Variants in TNFRSF11A observed in about 807,000 individuals in gnomAD.
TNFRSF11A encodes the protein tumor necrosis factor receptor superfamily member 11A.
In TNFRSF11A, 32 loss-of-function variants were observed where a neutral mutation model predicts 55.7. The observed-to-expected ratio is 0.57, with a 90% confidence interval of 0.43 to 0.77. The LOEUF (loss-of-function observed/expected upper bound fraction) is 0.77, where lower values mean the gene tolerates loss of function less well. Among genes scored for constraint, TNFRSF11A ranks in the 30% least tolerant of loss-of-function variants. TNFRSF11A has a pLI of 0.00. For missense variants in TNFRSF11A, 753 were observed against 809.8 expected, an observed-to-expected ratio of 0.93 and a Z score of 0.85; for synonymous variants, 311 against 331.0, an observed-to-expected ratio of 0.94 and a Z score of 0.65.
intron 5 of TNFRSF11A, among the ~76,000 whole-genome samples, chr18:62,359,714 T>C (rs1909528991): frequency 6.6e-6 from 1 of 152,190 alleles, no homozygotes; most frequent in East Asian, 1.9e-4. Context: ...GCTCTGCTCC[T>C]TTGCTGACCG....
chr18:62,369,920 T>C (rs573573688), intron 9 of TNFRSF11A, among the ~76,000 whole-genome samples: 1 of 152,232 alleles, frequency 6.6e-6, no homozygotes, highest in Non-Finnish European at 1.5e-5. Context: ...AAAGCACTTA[T>C]AAGTTTTAGG....
chr18:62,353,631 A>C (rs988148431), intron 3 of TNFRSF11A, among the ~76,000 whole-genome samples: 1 of 152,226 alleles, frequency 6.6e-6, no homozygotes, highest in Admixed American at 6.5e-5. Flanking sequence ...ATTCACAAAT[A>C]TGAATCTGCA....
At chr18:62,379,223 G>C (rs1911100948) in intron 9 of TNFRSF11A, among the ~76,000 whole-genome samples, 1 of 152,170 alleles carries the variant, frequency 6.6e-6, no homozygotes, top group Non-Finnish European at 1.5e-5. Flanking sequence ...TATTATTGTA[G>C]TAGGTACTCA....
Position 62,368,726 on chromosome 18 carries a change from G to A in TNFRSF11A, c.809G>A (p.Ser270Asn). Residue 270 changes from serine to asparagine, a missense_variant, in exon 9 of 10, where the codon AGT (serine) becomes AAT (asparagine). Physicochemically the swap from Ser to Asn is conservative, Grantham distance 46. Coordinates refer to ENST00000586569, the MANE Select transcript of TNFRSF11A (RefSeq NM_003839.4). ...GAGTCCTCAGGTGACAGTTGTGTCA[G>A]TACACACACGGCAAACTTTGGTCAG... ...DKESSGDSCV[S>N]THTANFGQQG... 2 of 1,614,230 alleles carry A rather than the reference G, an allele frequency of 1.2e-6. No homozygotes were observed. Among genetic ancestry groups the A allele is most frequent in the Non-Finnish European group, 1.7e-6 (2 of 1,180,046 alleles).
At chr18:62,377,128 G>T (rs1399465631) in intron 9 of TNFRSF11A, among the ~76,000 whole-genome samples, 1 of 152,158 alleles carries the variant, frequency 6.6e-6, no homozygotes, top group Admixed American at 6.5e-5. Context: ...TGTTAGCCAA[G>T]ATGGTCTCCA....
Position 62,387,409 on chromosome 18 carries a change from T to C in TNFRSF11A, c.*2375T>C, listed in dbSNP as rs1477748463. 1 of 152,218 alleles carries C rather than the reference T, an allele frequency of 6.6e-6. No individual in the cohort carries two copies. Among genetic ancestry groups the C allele is most frequent in the Non-Finnish European group, 1.5e-5 (1 of 68,036 alleles). The allele number at this position is 152,218 out of a possible 1,614,324, so 9.4% of individuals were successfully genotyped here. ...AAAGAGATTATATTAAGCTTATGTT[T>C]CACCATAAAATCCTTTTTATGGCTT... On this transcript the variant is annotated 3_prime_UTR_variant, in exon 10 of 10. Coordinates refer to ENST00000586569, the MANE Select transcript of TNFRSF11A (RefSeq NM_003839.4).
intron 9 of TNFRSF11A, 125 bp from the exon 10 acceptor site, chr18:62,384,626 C>T (rs1192386211): frequency 7.9e-6 from 9 of 1,138,534 alleles, no homozygotes; most frequent in Non-Finnish European, 1.1e-5. Flanking sequence ...CAGTGTGGTT[C>T]CCTGTGGCCC....
intron 1 of TNFRSF11A, among the ~76,000 whole-genome samples, chr18:62,345,410 G>A (rs2046368642): frequency 6.6e-6 from 1 of 152,198 alleles, no homozygotes; most frequent in Admixed American, 6.5e-5. Context: ...TTGCCATGTT[G>A]AAGGTTTGAA....
chr18:62,357,678 G>C (rs1035342189), intron 4 of TNFRSF11A, among the ~76,000 whole-genome samples: 4 of 152,070 alleles, frequency 2.6e-5, no homozygotes, highest in African/African-American at 4.8e-5. Flanking sequence ...AGACCTGTAG[G>C]GTTCTTCCTC....
intron 4 of TNFRSF11A, among the ~76,000 whole-genome samples, chr18:62,355,355 G>A (rs897020345): frequency 2.6e-5 from 4 of 151,856 alleles, no homozygotes; most frequent in Admixed American, 6.6e-5. Context: ...TCGGCTCACC[G>A]CAACCTCTGC....
Position 62,325,422 on chromosome 18 carries a change from C to A in TNFRSF11A, c.70C>A (p.Leu24Met). Residue 24 changes from leucine to methionine, a missense_variant, in exon 1 of 10, where the codon CTG becomes ATG. By Grantham distance (15) the Leu-to-Met change is conservative. This residue lies in a region of TNFRSF11A where 156 missense variants were observed against 155.1 expected (regional missense o/e 1.01). Coordinates refer to ENST00000586569, the MANE Select transcript of TNFRSF11A (RefSeq NM_003839.4). This position sits in a 1 kb window ranked among gnomAD's most constrained non-coding sequence, Gnocchi z 4.7. Reference protein sequence around the residue: ...LLLLCALLARLQVALQIAPPC... With the variant: ...LLLLCALLARMQVALQIAPPC... ...GCTGCTCTGCGCGCTGCTCGCCCGG[C>A]TGCAGGTAAGGAGCGCCCGCGCCTG... 1 of 1,261,854 alleles carries A rather than the reference C, an allele frequency of 7.9e-7. No individual in the cohort carries two copies. The highest frequency in any genetic ancestry group is 1.0e-6 in the Non-Finnish European group (1 of 991,114). The allele number at this position is 1,261,854 out of a possible 1,614,324, so 78.2% of individuals were successfully genotyped here. A position where few individuals can be genotyped will look rare whatever the true frequency, so the allele number is the denominator to read the frequency against.
At chr18:62,375,263 G>A (rs756536448) in intron 9 of TNFRSF11A, among the ~76,000 whole-genome samples, 5 of 151,826 alleles carry the variant, frequency 3.3e-5, no homozygotes, top group East Asian at 1.9e-4. Flanking sequence ...CTGTGTTCAC[G>A]CCACTGCACT....
intron 4 of TNFRSF11A, 70 bp downstream of exon 4, chr18:62,354,604 A>T: frequency 6.3e-7 from 1 of 1,593,136 alleles, no homozygotes; most frequent in Non-Finnish European, 8.5e-7. Context: ...GACAGTCTTG[A>T]TAATAGCAGC....
At chr18:62,326,674 C>T (rs2046080533) in intron 1 of TNFRSF11A, among the ~76,000 whole-genome samples, 1 of 152,166 alleles carries the variant, frequency 6.6e-6, no homozygotes, top group Non-Finnish European at 1.5e-5. Flanking sequence ...AAAAGGCGTT[C>T]GGTTCTAATA....
At chr18:62,334,557 G>A (rs954054708) in intron 1 of TNFRSF11A, among the ~76,000 whole-genome samples, 11 of 152,156 alleles carry the variant, frequency 7.2e-5, no homozygotes, top group African/African-American at 2.2e-4. Flanking sequence ...ATAAGCTTTC[G>A]GAAGTAGGTA....
At chr18:62,345,283 G>C (rs1280770842) in intron 1 of TNFRSF11A, among the ~76,000 whole-genome samples, 1 of 152,178 alleles carries the variant, frequency 6.6e-6, no homozygotes, top group Non-Finnish European at 1.5e-5. Context: ...ATAAAGGCAT[G>C]CTTTGTCTTT....
At chr18:62,358,871 G>A (rs1161436944) in intron 5 of TNFRSF11A, among the ~76,000 whole-genome samples, 2 of 152,150 alleles carry the variant, frequency 1.3e-5, no homozygotes, top group African/African-American at 4.8e-5. Flanking sequence ...GAGATGTACT[G>A]TAAGTTATGT....
chr18:62,367,818 G>T (rs1910210416), intron 8 of TNFRSF11A, among the ~76,000 whole-genome samples: 1 of 96,736 alleles, frequency 1.0e-5, no homozygotes. Context: ...TTTTGAGACA[G>T]AATCTCACTC....
intron 7 of TNFRSF11A, 86 bp downstream of exon 7, chr18:62,361,879 C>A: frequency 8.3e-7 from 1 of 1,204,400 alleles, no homozygotes; most frequent in Non-Finnish European, 1.2e-6. Flanking sequence ...AGATTGTCTA[C>A]TTGCTGCCTA....
Sources: gnomAD v4.1 joint callset for allele counts (sites outside exome capture counted in the v4.1 genomes callset) on GRCh38, gnomAD v4.1.1 for gene constraint, gnomAD v4.1.1 regional missense constraint, Gnocchi (gnomAD v3.1) non-coding constraint, MANE v1.5 for transcripts, NCBI Gene and HGNC (gene_info 2026-07-23, HGNC 2026-07-21) for gene names.